CFL2: variants seen among roughly 807,000 people sequenced by gnomAD.
CFL2 encodes the protein cofilin-2.
CFL2 carries 10 observed loss-of-function variants against 19.6 expected under a neutral mutation model. The ratio of observed to expected loss-of-function variants is 0.51; its 90% CI spans 0.31 to 0.86. CFL2 has a LOEUF of 0.86. CFL2 is among the 40% of genes least tolerant of loss of function. The probability of loss-of-function intolerance (pLI) is 0.04; values close to 1 mark genes in which losing one functional copy is unlikely to be tolerated. For missense variants in CFL2, 125 were observed against 192.1 expected (o/e 0.65, Z 2.06); for synonymous variants, 63 against 66.7 (o/e 0.95, Z 0.27).
At chr14:34,713,703 A>G (rs1885398694) in intron 1 of CFL2, 142 bp from the exon 2 acceptor site, 1 of 1,612,716 alleles carries the variant, frequency 6.2e-7, no homozygotes, top group African/African-American at 1.3e-5. Context: ...GATTTGTCAC[A>G]TTTTAAGAAT....
At position 34,712,646 on chromosome 14, in the gene CFL2, G is replaced by A; in HGVS notation, c.*219C>T. 2 of 659,578 alleles carry A rather than the reference G, an allele frequency of 3.0e-6. No individual in the cohort carries two copies. The highest frequency in any genetic ancestry group is 4.1e-5 in the Admixed American group (2 of 48,878). The allele number at this position is 659,578 out of a possible 1,614,324, so 40.9% of individuals were successfully genotyped here. A position where few individuals can be genotyped will look rare whatever the true frequency, so the allele number is the denominator to read the frequency against. On this transcript the variant is annotated 3_prime_UTR_variant, in exon 4 of 4. Transcript: ENST00000298159. The stretch of plus-strand genomic sequence containing the variant: ...GTTTTGGCTAAAATATGACAGGAAG[G>A]CATTCCTTGGGTTCTATATAAAAGT...
In CFL2 at chr14:34,712,812, T is replaced by G; in HGVS notation, c.*53A>C. On this transcript the variant is annotated 3_prime_UTR_variant, in exon 4 of 4. Transcript: ENST00000298159. ...AAAACCTAATACTATTCCAATGGAC[T>G]GAGCTGGAGAAATGGAAGCTCCTTA... 2.0e-6 allele frequency: 2 copies of G among 999,674 alleles called. No individual in the cohort carries two copies. Among genetic ancestry groups the G allele is most frequent in the Non-Finnish European group, 3.2e-6 (2 of 618,304 alleles). The allele number at this position is 999,674 out of a possible 1,614,324, so 61.9% of individuals were successfully genotyped here.
Position 34,714,588 on chromosome 14 carries a change from G to A in CFL2, c.-48C>T, listed in dbSNP as rs777102210. 6.7e-7 allele frequency: 1 copy of A among 1,492,062 alleles called. No individual in the cohort carries two copies. The highest frequency in any genetic ancestry group is 9.1e-7 in the Non-Finnish European group (1 of 1,092,970). The allele number at this position is 1,492,062 out of a possible 1,614,324, so 92.4% of individuals were successfully genotyped here. On this transcript the variant is annotated 5_prime_UTR_variant, in exon 1 of 4. Transcript: ENST00000298159. Reference sequence around the variant, plus strand: ...GCGGCAGCTCGGGCTTCGGCTCTGTGGCACTGGGAGGAGAAGGAGGGGCGG... The same window carrying A: ...GCGGCAGCTCGGGCTTCGGCTCTGTAGCACTGGGAGGAGAAGGAGGGGCGG...
At chr14:34,714,177 C>T in intron 1 of CFL2, 1 of 371,622 alleles carries the variant, frequency 2.7e-6, no homozygotes, top group East Asian at 4.8e-5. Flanking sequence ...CTGACCCACA[C>T]AGCGTTCGCA....
rs1885291251 is a variant in CFL2 at position 34,711,523 on chromosome 14, G to A, written c.*1342C>T. 1 of 454,470 alleles carries A rather than the reference G, an allele frequency of 2.2e-6. No individual in the cohort carries two copies. The allele number at this position is 454,470 out of a possible 1,614,324, so 28.2% of individuals were successfully genotyped here. A position where few individuals can be genotyped will look rare whatever the true frequency, so the allele number is the denominator to read the frequency against. ...TGCAAAATATATTCAGAAATAGTAGGTGAAATGACTGTTCCGAAACATCAG... is the reference window on the plus strand; with the variant it reads ...TGCAAAATATATTCAGAAATAGTAGATGAAATGACTGTTCCGAAACATCAG... On this transcript the variant is annotated 3_prime_UTR_variant, in exon 4 of 4. Coordinates refer to ENST00000298159, the MANE Select transcript of CFL2 (RefSeq NM_138638.5).
rs560007061 is a variant in CFL2, at chr14:34,712,573, G to A, written c.*292C>T. 3.1e-5 allele frequency: 17 copies of A among 540,330 alleles called. No homozygotes were observed. The highest frequency in any genetic ancestry group is 4.9e-5 in the Non-Finnish European group (14 of 283,986). The allele number at this position is 540,330 out of a possible 1,614,324, so 33.5% of individuals were successfully genotyped here. Reference sequence around the variant, plus strand: ...AGTATTCTAAGCTATTCACATTGACGATCACATACATTGTAGTGCTTGCTG... The same window carrying A: ...AGTATTCTAAGCTATTCACATTGACAATCACATACATTGTAGTGCTTGCTG... On this transcript the variant is annotated 3_prime_UTR_variant, in exon 4 of 4. Transcript: ENST00000298159.
chr14:34,714,440 A>C, intron 1 of CFL2, 98 bp downstream of exon 1: 1 of 1,474,030 alleles, frequency 6.8e-7, no homozygotes, highest in East Asian at 2.9e-5. Flanking sequence ...CCCACCTTGG[A>C]GGCCAAAATC....
chr14:34,714,555 TGGCTGCGGCGGCAGCTCGGGCTTC>T lies in CFL2; in HGVS notation c.-39_-16del. On this transcript the variant is annotated 5_prime_UTR_variant, in exon 1 of 4. Coordinates refer to ENST00000298159, the MANE Select transcript of CFL2 (RefSeq NM_138638.5). ...CGTCTTACCATAGTGCCCTCGGCTG[TGGCTGCGGCGGCAGCTCGGGCTTC>T]GGCTCTGTGGCACTGGGAGGAGAAG... 1 of 1,582,936 alleles carries T rather than the reference TGGCTGCGGCGGCAGCTCGGGCTTC, an allele frequency of 6.3e-7. No individual in the cohort carries two copies. The highest frequency in any genetic ancestry group is 8.6e-7 in the Non-Finnish European group (1 of 1,167,884).
chr14:34,714,464 G>A (rs1885426627), intron 1 of CFL2, 74 bp downstream of exon 1: 9 of 1,507,764 alleles, frequency 6.0e-6, no homozygotes, highest in Non-Finnish European at 8.0e-6. Flanking sequence ...TTAAAATGGC[G>A]GCCTCACTCC....
chr14:34,712,368 CAT>C lies in CFL2; in HGVS notation c.*495_*496del. 1 of 454,600 alleles carries C rather than the reference CAT, an allele frequency of 2.2e-6. No homozygotes were observed. The highest frequency in any genetic ancestry group is 4.4e-6 in the Non-Finnish European group (1 of 226,856). 28.2% of individuals were successfully genotyped at this position (454,600 alleles called of 1,614,324 possible). ...CTTATTACAAAAAGTGCTTTTAATG[CAT>C]AGTGTTATATCCGTGCTGCCATATC... is the stretch of plus-strand genomic sequence containing the variant. On this transcript the variant is annotated 3_prime_UTR_variant, in exon 4 of 4. Coordinates refer to ENST00000298159, the MANE Select transcript of CFL2 (RefSeq NM_138638.5).
At chr14:34,714,215 G>A in intron 1 of CFL2, 1 of 400,862 alleles carries the variant, frequency 2.5e-6, no homozygotes, top group Non-Finnish European at 4.4e-6. Flanking sequence ...AGCCTCGCGT[G>A]TTAAGTAAAA....
In CFL2 at chr14:34,710,531, A is replaced by T; in HGVS notation, c.*2334T>A. 2.3e-6 allele frequency: 1 copy of T among 437,868 alleles called. No individual in the cohort carries two copies. Among genetic ancestry groups the T allele is most frequent in the Non-Finnish European group, 4.5e-6 (1 of 220,074 alleles). 27.1% of individuals were successfully genotyped at this position (437,868 alleles called of 1,614,324 possible). ...TGCCTTCAATATTTTACTAATTAGC[A>T]CCGTATACCTTTTAAAGCTAACTGG... On this transcript the variant is annotated 3_prime_UTR_variant, in exon 4 of 4. Transcript: ENST00000298159.
At position 34,713,465 on chromosome 14, in the gene CFL2, T is replaced by G. The variant is rs1885387575; in HGVS notation, c.100A>C (p.Lys34Gln). The G allele has an allele frequency of 6.2e-7, 1 of 1,613,768 alleles. No individual in the cohort carries two copies. The highest frequency in any genetic ancestry group is 8.5e-7 in the Non-Finnish European group (1 of 1,179,654). The change falls in exon 2 of 4, where the codon AAA (lysine) becomes CAA (glutamine). Residue 34 changes from lysine to glutamine, a missense_variant. By Grantham distance (53) the Lys-to-Gln change is moderately conservative. Transcript: ENST00000298159. ...TCGCTTAAACAGAAGAGAACTGCTT[T>G]CTTTCTCTTTTTGATCTCCTCTTGT... ...STQEEIKKRKKAVLFCLSDDK... is the reference protein window; with the variant it reads ...STQEEIKKRKQAVLFCLSDDK...
chr14:34,709,171 A>C lies in CFL2; in HGVS notation c.*3694T>G, dbSNP rs766219374. ...TACTTACATACAGTAATTAAGAATGAATAGTTTAAACAGATTATTGCATTT... is the reference window on the plus strand; with the variant it reads ...TACTTACATACAGTAATTAAGAATGCATAGTTTAAACAGATTATTGCATTT... On this transcript the variant is annotated 3_prime_UTR_variant, in exon 4 of 4. Coordinates refer to ENST00000298159, the MANE Select transcript of CFL2 (RefSeq NM_138638.5). The C allele has an allele frequency of 6.6e-6, 1 of 152,140 alleles. No homozygotes were observed. Among genetic ancestry groups the C allele is most frequent in the African/African-American group, 2.4e-5 (1 of 41,432 alleles). 9.4% of individuals were successfully genotyped at this position (152,140 alleles called of 1,614,324 possible). A position where few individuals can be genotyped will look rare whatever the true frequency, so the allele number is the denominator to read the frequency against.
rs1885372942 is a variant in CFL2, at chr14:34,713,197, TATG to T, written c.311+54_311+56del. 2.6e-6 allele frequency: 4 copies of T among 1,535,618 alleles called. No homozygotes were observed. The South Asian group carries it at 3.5e-5, about 13-fold the overall frequency. On this transcript the variant is annotated intron_variant, in intron 2 of 3. Transcript: ENST00000298159. ...TAAGAAAAACAAAGGTAAGACTGACTATGATAATAATAATCCTTGCATTTTAAA... is the reference window on the plus strand; with the variant it reads ...TAAGAAAAACAAAGGTAAGACTGACTATAATAATAATCCTTGCATTTTAAA...
chr14:34,713,295 T>C lies in CFL2; in HGVS notation c.270A>G (p.Glu90=), dbSNP rs1885379043. The C allele has an allele frequency of 6.2e-7, 1 of 1,613,456 alleles. No individual in the cohort carries two copies. Among genetic ancestry groups the C allele is most frequent in the East Asian group, 2.2e-5 (1 of 44,872 alleles). The part of the protein sequence containing the change: ...CRYALYDATY[E]TKESKKEDLV... ...GGTCTTCTTTCTTAGACTCTTTTGT[T>C]TCGTATGTGGCATCGTACAAAGCAT... Residue 90 remains glutamate (E), a synonymous_variant, in exon 2 of 4, where the codon GAA becomes GAG. Coordinates refer to ENST00000298159, the MANE Select transcript of CFL2 (RefSeq NM_138638.5).
chr14:34,713,318 CA>C lies in CFL2; in HGVS notation c.246del (p.Tyr82Ter). 1 of 1,614,022 alleles carries C rather than the reference CA, an allele frequency of 6.2e-7. No individual in the cohort carries two copies. The highest frequency in any genetic ancestry group is 8.5e-7 in the Non-Finnish European group (1 of 1,179,938). On this transcript the variant is annotated frameshift_variant, in exon 2 of 4. Coordinates refer to ENST00000298159, the MANE Select transcript of CFL2 (RefSeq NM_138638.5). LOFTEE classifies it high-confidence loss of function. ...GTTTCGTATGTGGCATCGTACAAAGCATATCGGCAATCATTCAGAGGTAGCA... is the reference window on the plus strand; with the variant it reads ...GTTTCGTATGTGGCATCGTACAAAGCTATCGGCAATCATTCAGAGGTAGCA... The part of the protein sequence containing the change: ...VKLLPLNDCR[Y>X]ALYDATYETK...
intron 1 of CFL2, 53 bp from the exon 2 acceptor site, chr14:34,713,614 A>G (rs1298358966): frequency 1.9e-6 from 3 of 1,613,954 alleles, no homozygotes; most frequent in Non-Finnish European, 2.5e-6. Context: ...GTTTTAACCA[A>G]AATTACTGTT....
In CFL2 at chr14:34,710,884, A is replaced by G. The variant is rs1215900054; in HGVS notation, c.*1981T>C. ...AGAATGAGGAAATAACTCAATGAAA[A>G]ATTCCATGGTGCCAAGTATCAGTTA... On this transcript the variant is annotated 3_prime_UTR_variant, in exon 4 of 4. Coordinates refer to ENST00000298159, the MANE Select transcript of CFL2 (RefSeq NM_138638.5). 2.2e-6 allele frequency: 1 copy of G among 453,980 alleles called. No homozygotes were observed. The highest frequency in any genetic ancestry group is 4.4e-6 in the Non-Finnish European group (1 of 226,780). The allele number at this position is 453,980 out of a possible 1,614,324, so 28.1% of individuals were successfully genotyped here. A position where few individuals can be genotyped will look rare whatever the true frequency, so the allele number is the denominator to read the frequency against.
Sources: allele counts gnomAD v4.1 joint callset, GRCh38; gene constraint gnomAD v4.1.1; transcripts MANE v1.5; gene names NCBI Gene and HGNC (gene_info 2026-07-23, HGNC 2026-07-21).